Variants in ASPH observed in about 807,000 individuals in gnomAD.
ASPH encodes the protein aspartyl/asparaginyl beta-hydroxylase.
ASPH carries 100 observed loss-of-function variants against 118.4 expected under a neutral mutation model. The ratio of observed to expected loss-of-function variants is 0.84; its 90% CI spans 0.72 to 1.00. ASPH has a LOEUF of 1.00. Among genes scored for constraint, ASPH ranks in the 50% least tolerant of loss-of-function variants. The pLI is 0.00. For synonymous variants in ASPH, 315 were observed against 325.6 expected (o/e 0.97, Z 0.35); for missense variants, 920 against 919.5 (o/e 1.00, Z -0.01).
intron 24 of ASPH, among the ~76,000 whole-genome samples, chr8:61,514,126 C>T (rs1435722823): frequency 2.0e-5 from 3 of 151,872 alleles, no homozygotes; most frequent in Admixed American, 6.6e-5. Flanking sequence ...AGGCCCATGC[C>T]ACCATGCCCA....
intron 14 of ASPH, among the ~76,000 whole-genome samples, chr8:61,584,396 T>G (rs1403370822): frequency 6.6e-6 from 1 of 152,222 alleles, no homozygotes; most frequent in Non-Finnish European, 1.5e-5. Flanking sequence ...ATAGTTTTTT[T>G]GAATATGTCC....
In ASPH at chr8:61,626,067, C is replaced by T. The variant is rs1363525467; in HGVS notation, c.935-7048G>A. The T allele has an allele frequency of 6.4e-6, 8 of 1,240,750 alleles. No individual in the cohort carries two copies. The East Asian group carries it at 2.2e-4, about 34-fold the overall frequency. The allele number at this position is 1,240,750 out of a possible 1,614,324, so 76.9% of individuals were successfully genotyped here. A position where few individuals can be genotyped will look rare whatever the true frequency, so the allele number is the denominator to read the frequency against. ...AGGGACATGCAGGAATGTAACATGA[C>T]ATTTTTAGAAATGTGTGTTTCTAAA... On this transcript the variant is annotated intron_variant, in intron 13 of 24. Transcript: ENST00000379454.
chr8:61,676,265 T>C, intron 3 of ASPH: 2 of 1,591,174 alleles, frequency 1.3e-6, no homozygotes, highest in Non-Finnish European at 1.7e-6. Context: ...TGCTAAAATA[T>C]TAAGGACTTC....
chr8:61,564,700 G>A (rs879723182), intron 17 of ASPH, among the ~76,000 whole-genome samples: 7 of 152,232 alleles, frequency 4.6e-5, no homozygotes, highest in Non-Finnish European at 1.0e-4. Context: ...TTTTTGTTCT[G>A]CTGCACTGGT....
chr8:61,529,802 T>C (rs1816884261), intron 21 of ASPH, among the ~76,000 whole-genome samples: 1 of 152,240 alleles, frequency 6.6e-6, no homozygotes, highest in African/African-American at 2.4e-5. Flanking sequence ...TTCTGGTTCA[T>C]AGATGGTACC....
chr8:61,564,596 G>A (rs1429854350), intron 17 of ASPH, among the ~76,000 whole-genome samples: 1 of 152,170 alleles, frequency 6.6e-6, no homozygotes, highest in Non-Finnish European at 1.5e-5. Flanking sequence ...ACTGCGTCCG[G>A]GCAGTAATGC....
At chr8:61,610,449 C>G (rs1280315910) in intron 14 of ASPH, among the ~76,000 whole-genome samples, 1 of 152,222 alleles carries the variant, frequency 6.6e-6, no homozygotes. Flanking sequence ...AAACTTCTCT[C>G]TAAATCAGAC....
chr8:61,664,165 T>C (rs1818327473), intron 3 of ASPH: 1 of 966,412 alleles, frequency 1.0e-6, no homozygotes, highest in Non-Finnish European at 1.2e-6. Flanking sequence ...AAACCATTTG[T>C]AGAATTAATT....
intron 16 of ASPH, among the ~76,000 whole-genome samples, chr8:61,571,924 A>G (rs944664562): frequency 2.0e-5 from 3 of 152,226 alleles, no homozygotes; most frequent in Non-Finnish European, 4.4e-5. Flanking sequence ...AAAATGATTT[A>G]GCAATTTCAG....
chr8:61,689,156 TAAAG>T (rs1238480899), intron 1 of ASPH, among the ~76,000 whole-genome samples: 6 of 152,192 alleles, frequency 3.9e-5, no homozygotes, highest in Admixed American at 1.3e-4. Context: ...ACTTCAAAGT[TAAAG>T]AGTCAATTTA....
intron 22 of ASPH, 132 bp downstream of exon 22, chr8:61,525,845 C>T: frequency 7.9e-7 from 1 of 1,272,148 alleles, no homozygotes. Flanking sequence ...TTTCAAAAAT[C>T]TAGGTTTTTT....
At chr8:61,625,962 C>T in intron 13 of ASPH, 1 of 1,142,006 alleles carries the variant, frequency 8.8e-7, no homozygotes, top group Non-Finnish European at 1.1e-6. Context: ...GTCGGAAAAA[C>T]ACACATAAAT....
At chr8:61,505,558 C>G (rs921806192) in intron 24 of ASPH, among the ~76,000 whole-genome samples, 17 of 151,448 alleles carry the variant, frequency 1.1e-4, no homozygotes, top group African/African-American at 3.9e-4. Flanking sequence ...TCCTCCCCAG[C>G]CATGTGGAAC....
chr8:61,665,574 C>A (rs557503164), intron 3 of ASPH: 1 of 1,590,408 alleles, frequency 6.3e-7, no homozygotes, highest in East Asian at 2.2e-5. Context: ...TTCTCTTTCT[C>A]CTTCTTGAGC....
In ASPH at chr8:61,648,819, A is replaced by G. The variant is rs1809400888; in HGVS notation, c.491-1941T>C. 3.3e-5 allele frequency among the ~76,000 whole-genome samples: 5 copies of G among 152,334 alleles called. No individual in the cohort carries two copies. In the South Asian group the frequency reaches 1.0e-3, roughly 32 times the overall value. ...AAAACTGTGCTAAAGCCACATGGCT[A>G]ATCAATGGCAGATACAGGACCTGAA... On this transcript the variant is annotated intron_variant, in intron 5 of 24. Coordinates refer to ENST00000379454, the MANE Select transcript of ASPH (RefSeq NM_004318.4).
In ASPH at chr8:61,540,705, A is replaced by G. The variant is rs552639847; in HGVS notation, c.1764+7366T>C. Among the ~76,000 whole-genome samples, 6 of 152,318 alleles carry G rather than the reference A, an allele frequency of 3.9e-5. No individual in the cohort carries two copies. The East Asian group carries it at 1.2e-3, about 29-fold the overall frequency. On this transcript the variant is annotated intron_variant, in intron 21 of 24. Transcript: ENST00000379454. Reference sequence around the variant, plus strand: ...GAAATTCAACCAAAGGGGAAAACACATATGATGCATTTTACTGAGCACTGT... The same window carrying G: ...GAAATTCAACCAAAGGGGAAAACACGTATGATGCATTTTACTGAGCACTGT...
At chr8:61,694,569 CA>C (rs1251131308) in intron 1 of ASPH, among the ~76,000 whole-genome samples, 1 of 152,198 alleles carries the variant, frequency 6.6e-6, no homozygotes, top group Non-Finnish European at 1.5e-5. Context: ...CTCCTTCTTC[CA>C]CACTCTCTTC....
chr8:61,554,404 T>A (rs1187837666), intron 19 of ASPH, among the ~76,000 whole-genome samples: 1 of 152,122 alleles, frequency 6.6e-6, no homozygotes, highest in Non-Finnish European at 1.5e-5. Flanking sequence ...TTGCAATCAG[T>A]GGGTTACTAT....
intron 24 of ASPH, among the ~76,000 whole-genome samples, chr8:61,504,761 T>C (rs541609232): frequency 5.3e-5 from 8 of 152,286 alleles, no homozygotes; most frequent in African/African-American, 1.9e-4. Context: ...TCTCTAGTCA[T>C]TGCCAAATGT....
Sources: allele counts gnomAD v4.1 joint callset (sites outside exome capture counted in the v4.1 genomes callset), GRCh38; gene constraint gnomAD v4.1.1; transcripts MANE v1.5; gene names NCBI Gene and HGNC (gene_info 2026-07-23, HGNC 2026-07-21).